MINDY2: variants seen among roughly 807,000 people sequenced by gnomAD.
MINDY2 encodes the protein MINDY lysine 48 deubiquitinase 2.
In MINDY2, 52 loss-of-function variants were observed where a neutral mutation model predicts 68.2. That is an observed-to-expected ratio of 0.76 (90% CI 0.61 to 0.96). The LOEUF is 0.96. Among genes scored for constraint, MINDY2 ranks in the 40% least tolerant of loss-of-function variants. The probability of loss-of-function intolerance (pLI) is 0.00; values close to 1 mark genes in which losing one functional copy is unlikely to be tolerated. For synonymous variants in MINDY2, 372 were observed against 303.0 expected (o/e 1.23, Z -2.36); for missense variants, 881 against 773.4 (o/e 1.14, Z -1.65).
intron 1 of MINDY2, 51 bp from the exon 2 acceptor site, chr15:58,787,854 CT>C: frequency 8.1e-7 from 1 of 1,235,850 alleles, no homozygotes; most frequent in East Asian, 2.5e-5. Context: ...GCAAGAAATA[CT>C]TTAGTCACCT....
intron 1 of MINDY2, among the ~76,000 whole-genome samples, chr15:58,779,979 TAGTA>T (rs1349188952): frequency 2.6e-5 from 4 of 152,198 alleles, no homozygotes; most frequent in Admixed American, 6.5e-5. Flanking sequence ...TGAATAATAA[TAGTA>T]AGTACTCAGT....
chr15:58,792,587 C>T (rs1298500873), intron 2 of MINDY2, among the ~76,000 whole-genome samples: 3 of 151,572 alleles, frequency 2.0e-5, no homozygotes, highest in African/African-American at 7.3e-5. Context: ...GCCTGGGCGA[C>T]AGAGCAAGAC....
At chr15:58,828,597 T>G (rs944757500) in intron 5 of MINDY2, among the ~76,000 whole-genome samples, 4 of 139,992 alleles carry the variant, frequency 2.9e-5, no homozygotes, top group African/African-American at 9.2e-5. Context: ...TTTTTTTTTT[T>G]GTCACCCAGG....
chr15:58,795,561 C>T (rs941714885), intron 2 of MINDY2, among the ~76,000 whole-genome samples: 3 of 152,020 alleles, frequency 2.0e-5, no homozygotes, highest in South Asian at 2.1e-4. Context: ...CCTGCCACCA[C>T]GCCCAGCTAA....
In MINDY2 at chr15:58,857,687, G is replaced by C. The variant is rs2140886419; in HGVS notation, c.*3077G>C. ...TAAAGTCTTTCCTTCCAAGTATTTT[G>C]TAATACTTGAAAATTCTTAGATGTA... On this transcript the variant is annotated 3_prime_UTR_variant, in exon 9 of 9. Transcript: ENST00000559228. 1 of 151,978 alleles carries C rather than the reference G, an allele frequency of 6.6e-6. No homozygotes were observed. The highest frequency in any genetic ancestry group is 1.9e-4 in the East Asian group (1 of 5,168). 9.4% of individuals were successfully genotyped at this position (151,978 alleles called of 1,614,324 possible). A position where few individuals can be genotyped will look rare whatever the true frequency, so the allele number is the denominator to read the frequency against.
At chr15:58,847,604 T>G in intron 7 of MINDY2, 134 bp downstream of exon 7, 1 of 652,486 alleles carries the variant, frequency 1.5e-6, no homozygotes, top group Middle Eastern at 4.3e-4. Flanking sequence ...ACTTCCTGAA[T>G]AGTTGGTGAT....
In MINDY2 at chr15:58,856,211, T is replaced by G. The variant is rs1404128005; in HGVS notation, c.*1601T>G. The G allele has an allele frequency of 6.6e-6, 1 of 152,646 alleles. No homozygotes were observed. The highest frequency in any genetic ancestry group is 1.5e-5 in the Non-Finnish European group (1 of 68,040). 9.5% of individuals were successfully genotyped at this position (152,646 alleles called of 1,614,324 possible). On this transcript the variant is annotated 3_prime_UTR_variant, in exon 9 of 9. Transcript: ENST00000559228. ...GTGTGCTTTACATTCTAAGCTTCAG[T>G]ACATTTATTTAAGAGCATCATAATC...
chr15:58,811,049 A>G (rs945492089), intron 4 of MINDY2, among the ~76,000 whole-genome samples: 1 of 152,196 alleles, frequency 6.6e-6, no homozygotes, highest in Admixed American at 6.5e-5. Context: ...ATGTGGTTCA[A>G]GGGATCCATC....
chr15:58,785,428 A>T (rs1293786772), intron 1 of MINDY2, among the ~76,000 whole-genome samples: 2 of 152,192 alleles, frequency 1.3e-5, no homozygotes, highest in Non-Finnish European at 2.9e-5. Flanking sequence ...GTAAATACTA[A>T]TATTTTAGGC....
In MINDY2 at chr15:58,854,672, G is replaced by A. The variant is rs1482899822; in HGVS notation, c.*62G>A. The stretch of plus-strand genomic sequence containing the variant: ...TGAGAAACAAAACCACAGGAGGAAA[G>A]GAAGAAAAACCGATCAATACCGTCT... On this transcript the variant is annotated 3_prime_UTR_variant, in exon 9 of 9. Coordinates refer to ENST00000559228, the MANE Select transcript of MINDY2 (RefSeq NM_001040450.3). 1.9e-6 allele frequency: 3 copies of A among 1,540,646 alleles called. No individual in the cohort carries two copies. Among genetic ancestry groups the A allele is most frequent in the Non-Finnish European group, 2.6e-6 (3 of 1,152,180 alleles).
chr15:58,831,015 TTGTGTGTGTGTGTG>T (rs369645565), intron 5 of MINDY2, among the ~76,000 whole-genome samples: 16 of 133,752 alleles, frequency 1.2e-4, no homozygotes, highest in Non-Finnish European at 2.5e-4. Flanking sequence ...TGAAGATCAG[TTGTGTGTGTGTGTG>T]TGTGTGTGTG....
chr15:58,859,187 G>A lies in MINDY2; in HGVS notation c.*4577G>A, dbSNP rs1358176204. The stretch of plus-strand genomic sequence containing the variant: ...TTTTTTGTGTGTTCTATAGACTATA[G>A]AGTCAAAATCAAGAGTATTTTGAGA... On this transcript the variant is annotated 3_prime_UTR_variant, in exon 9 of 9. Transcript: ENST00000559228. 1 of 151,892 alleles carries A rather than the reference G, an allele frequency of 6.6e-6. No homozygotes were observed. Among genetic ancestry groups the A allele is most frequent in the Non-Finnish European group, 1.5e-5 (1 of 67,966 alleles). 9.4% of individuals were successfully genotyped at this position (151,892 alleles called of 1,614,324 possible).
chr15:58,832,307 A>T (rs1349686859), intron 6 of MINDY2, among the ~76,000 whole-genome samples: 2 of 151,016 alleles, frequency 1.3e-5, no homozygotes, highest in African/African-American at 4.9e-5. Context: ...GCTCACTGCA[A>T]CCTCTGCCTC....
chr15:58,771,480 G>C lies in MINDY2; in HGVS notation c.85G>C (p.Gly29Arg). Residue 29 changes from glycine to arginine, a missense_variant, in exon 1 of 9, where the codon GGG becomes CGG. Coordinates refer to ENST00000559228, the MANE Select transcript of MINDY2 (RefSeq NM_001040450.3). ...PASGTGSSQE[G>R]LQETRLAAGD... Reference sequence around the variant, plus strand: ...GTCAGGGACAGGTTCTTCGCAGGAAGGGCTACAGGAGACCAGGCTCGCCGC... The same window carrying C: ...GTCAGGGACAGGTTCTTCGCAGGAACGGCTACAGGAGACCAGGCTCGCCGC... 2 of 1,612,610 alleles carry C rather than the reference G, an allele frequency of 1.2e-6. No individual in the cohort carries two copies. Among genetic ancestry groups the C allele is most frequent in the Non-Finnish European group, 1.7e-6 (2 of 1,179,844 alleles).
rs889677089 is a variant in MINDY2, at chr15:58,831,042, T to C, written c.1226-732T>C. Among the ~76,000 whole-genome samples, 313 of 76,370 alleles carry C rather than the reference T, an allele frequency of 4.1e-3. 5 individuals carry two copies. Among genetic ancestry groups the C allele is most frequent in the African/African-American group, 0.02 (304 of 15,274 alleles). The allele number at this position is 76,370 out of a possible 152,430, so 50.1% of individuals were successfully genotyped here. ...GTGTGTGTGTGTGTGTGTGTGTGTG[T>C]ATATATATATATATATATGTTTTAA... On this transcript the variant is annotated intron_variant, in intron 5 of 8. Coordinates refer to ENST00000559228, the MANE Select transcript of MINDY2 (RefSeq NM_001040450.3).
intron 5 of MINDY2, among the ~76,000 whole-genome samples, chr15:58,823,288 A>G (rs1407720464): frequency 6.6e-6 from 1 of 151,810 alleles, no homozygotes; most frequent in Non-Finnish European, 1.5e-5. Context: ...CAGGCATGCA[A>G]TAATTTTGTA....
rs1829673973 is a variant in MINDY2 at position 58,821,766 on chromosome 15, T to C, written c.1172T>C (p.Val391Ala). The change falls in exon 5 of 9, where the codon GTG becomes GCG. Residue 391 changes from valine (V) to alanine (A), a missense_variant. By Grantham distance (64) the Val-to-Ala change is moderately conservative. Transcript: ENST00000559228. The stretch of plus-strand genomic sequence containing the variant: ...GGTAACTGCAGCTACAACCAACTAG[T>C]GGAGAAGATCATCTCTTGTAAACAG... ...AVGNCSYNQL[V>A]EKIISCKQSD... 3 of 1,591,542 alleles carry C rather than the reference T, an allele frequency of 1.9e-6. No individual in the cohort carries two copies. The highest frequency in any genetic ancestry group is 2.6e-6 in the Non-Finnish European group (3 of 1,172,176).
intron 5 of MINDY2, 148 bp from the exon 6 acceptor site, chr15:58,831,626 G>C (rs764262655): frequency 3.4e-6 from 2 of 588,326 alleles, no homozygotes; most frequent in Non-Finnish European, 2.8e-6. Flanking sequence ...AAACACAAAT[G>C]TCCAGTTTGG....
At chr15:58,782,911 G>GTTTTTTTTTTTGT in intron 1 of MINDY2, among the ~76,000 whole-genome samples, 1 of 64,470 alleles carries the variant, frequency 1.6e-5, no homozygotes, top group Non-Finnish European at 2.6e-5. Context: ...TTTTCTCTCT[G>GTTTTTTTTTTTGT]TTTTTTTTTT....
Sources: gnomAD v4.1 joint callset for allele counts (sites outside exome capture counted in the v4.1 genomes callset) on GRCh38, gnomAD v4.1.1 for gene constraint, MANE v1.5 for transcripts, NCBI Gene and HGNC (gene_info 2026-07-23, HGNC 2026-07-21) for gene names.